The following ZNF804B variants were observed in gnomAD, a reference collection of about 807,000 sequenced individuals.
ZNF804B encodes the protein zinc finger protein 804B, also known as zinc finger 804B.
A neutral mutation model predicts 101.4 loss-of-function variants in ZNF804B; 80 were observed. The observed-to-expected ratio is 0.79, with a 90% CI of 0.66 to 0.95. The LOEUF is 0.95. Among genes scored for constraint, ZNF804B ranks in the 40% least tolerant of loss-of-function variants. The probability of loss-of-function intolerance (pLI) is 0.00; values close to 1 mark genes in which losing one functional copy is unlikely to be tolerated. For synonymous variants in ZNF804B, 622 were observed against 558.8 expected, an observed-to-expected ratio of 1.11 and a Z score of -1.59; for missense variants, 1,673 against 1,561.9, an observed-to-expected ratio of 1.07 and a Z score of -1.20.
At chr7:88,997,786 C>T (rs895409678) in intron 1 of ZNF804B, among the ~76,000 whole-genome samples, 9 of 152,234 alleles carry the variant, frequency 5.9e-5, no homozygotes, top group Middle Eastern at 3.4e-3. Flanking sequence ...AGGCACCTTC[C>T]TCTCCTATCG....
chr7:88,890,725 T>C (rs752212620), intron 1 of ZNF804B, among the ~76,000 whole-genome samples: 23 of 152,174 alleles, frequency 1.5e-4, no homozygotes, highest in Non-Finnish European at 2.8e-4. Context: ...TGGATACATA[T>C]AACTGCATGT....
chr7:88,969,152 A>T (rs1053143305), intron 1 of ZNF804B, among the ~76,000 whole-genome samples: 1 of 151,586 alleles, frequency 6.6e-6, no homozygotes. Context: ...TACTAATTAC[A>T]TTTAGTATAT....
intron 2 of ZNF804B, among the ~76,000 whole-genome samples, chr7:89,231,954 T>C (rs1045469511): frequency 6.6e-6 from 1 of 152,106 alleles, no homozygotes; most frequent in Non-Finnish European, 1.5e-5. Context: ...AATTCCAATG[T>C]GGTGTTGAAT....
At chr7:88,921,261 A>G (rs1284058298) in intron 1 of ZNF804B, among the ~76,000 whole-genome samples, 1 of 152,022 alleles carries the variant, frequency 6.6e-6, no homozygotes, top group Non-Finnish European at 1.5e-5. Flanking sequence ...AAGACAAAAA[A>G]CTGGATGGTG....
At chr7:88,906,497 A>G (rs1417890892) in intron 1 of ZNF804B, among the ~76,000 whole-genome samples, 1 of 152,150 alleles carries the variant, frequency 6.6e-6, no homozygotes, top group East Asian at 1.9e-4. Context: ...ATGTTCACCC[A>G]GGAGTTATTC....
At chr7:89,169,683 C>A (rs1336100626) in intron 1 of ZNF804B, among the ~76,000 whole-genome samples, 1 of 152,118 alleles carries the variant, frequency 6.6e-6, no homozygotes, top group Non-Finnish European at 1.5e-5. Context: ...AAGCACTGAA[C>A]CTAGTTTTCA....
intron 1 of ZNF804B, among the ~76,000 whole-genome samples, chr7:88,893,775 T>C (rs561483933): frequency 6.6e-6 from 1 of 152,280 alleles, no homozygotes; most frequent in South Asian, 2.1e-4. Flanking sequence ...TCCAATAACT[T>C]TATAAAACAG....
chr7:88,841,513 G>A (rs1791291753), intron 1 of ZNF804B, among the ~76,000 whole-genome samples: 1 of 152,146 alleles, frequency 6.6e-6, no homozygotes, highest in South Asian at 2.1e-4. Flanking sequence ...ACTCCACTGG[G>A]AGAAGACAAT....
chr7:89,259,354 T>C (rs933752923), intron 2 of ZNF804B, among the ~76,000 whole-genome samples: 1 of 152,248 alleles, frequency 6.6e-6, no homozygotes, highest in African/African-American at 2.4e-5. Context: ...CCACAATCTC[T>C]TTTATGATTT....
intron 1 of ZNF804B, among the ~76,000 whole-genome samples, chr7:89,135,596 G>A (rs751893366): frequency 6.6e-6 from 1 of 150,716 alleles, no homozygotes; most frequent in Admixed American, 6.7e-5. Context: ...GCCATTAGAT[G>A]TGTACATACT....
intron 1 of ZNF804B, among the ~76,000 whole-genome samples, chr7:89,011,823 T>A (rs1028235987): frequency 6.6e-6 from 1 of 152,110 alleles, no homozygotes; most frequent in Non-Finnish European, 1.5e-5. Context: ...AGGTGCACAG[T>A]GCAAGCTGTT....
At chr7:88,805,332 A>C (rs1790667759) in intron 1 of ZNF804B, among the ~76,000 whole-genome samples, 1 of 152,210 alleles carries the variant, frequency 6.6e-6, no homozygotes, top group Non-Finnish European at 1.5e-5. Context: ...ATTCCATGTA[A>C]CTAGAGTAGC....
In ZNF804B at chr7:89,336,689, A is replaced by G; in HGVS notation, c.3707A>G (p.His1236Arg). Reference sequence around the variant, plus strand: ...AGTCACCTCCCTATTGCTCATCTACATCCTCTTTCACAGGCACATTTCAGT... The same window carrying G: ...AGTCACCTCCCTATTGCTCATCTACGTCCTCTTTCACAGGCACATTTCAGT... ...HSSHLPIAHL[H>R]PLSQAHFSPI... The change falls in exon 4 of 4, where the codon CAT (histidine) becomes CGT (arginine). Residue 1236 changes from histidine (H) to arginine (R), a missense_variant. Transcript: ENST00000333190. 6.2e-7 allele frequency: 1 copy of G among 1,613,956 alleles called. No individual in the cohort carries two copies. Among genetic ancestry groups the G allele is most frequent in the Non-Finnish European group, 8.5e-7 (1 of 1,179,996 alleles).
intron 1 of ZNF804B, among the ~76,000 whole-genome samples, chr7:88,964,643 G>A (rs1248340125): frequency 6.6e-6 from 1 of 151,482 alleles, no homozygotes; most frequent in Non-Finnish European, 1.5e-5. Context: ...CAGTGCCACT[G>A]AATTGTAAAC....
At chr7:89,206,419 A>T (rs1788715273) in intron 1 of ZNF804B, among the ~76,000 whole-genome samples, 2 of 152,216 alleles carry the variant, frequency 1.3e-5, no homozygotes, top group Non-Finnish European at 2.9e-5. Context: ...CCTTGTAAAC[A>T]TAAGCTCCAT....
At chr7:88,939,392 G>C (rs945082206) in intron 1 of ZNF804B, among the ~76,000 whole-genome samples, 2 of 151,654 alleles carry the variant, frequency 1.3e-5, no homozygotes, top group Non-Finnish European at 2.9e-5. Flanking sequence ...ATCTGTGTTT[G>C]GTTGAATCCA....
chr7:89,335,450 C>T lies in ZNF804B; in HGVS notation c.2468C>T (p.Thr823Met), dbSNP rs564078763. Reference protein sequence around the residue: ...NQQQFSGLKSTRIIYCDSNSQ... With the variant: ...NQQQFSGLKSMRIIYCDSNSQ... Reference sequence around the variant, plus strand: ...CAACAATTTTCAGGGCTAAAATCTACGAGAATCATCTATTGTGATTCTAAC... The same window carrying T: ...CAACAATTTTCAGGGCTAAAATCTATGAGAATCATCTATTGTGATTCTAAC... Residue 823 changes from threonine (T) to methionine (M), a missense_variant, in exon 4 of 4, where the codon ACG (threonine) becomes ATG (methionine). Thr to Met is a moderately conservative substitution (Grantham distance 81). Coordinates refer to ENST00000333190, the MANE Select transcript of ZNF804B (RefSeq NM_181646.5). The T allele has an allele frequency of 5.3e-5, 85 of 1,613,904 alleles. No homozygotes were observed. Among genetic ancestry groups the T allele is most frequent in the Non-Finnish European group, 5.9e-5 (70 of 1,179,958 alleles).
At chr7:88,999,962 A>C (rs2116169626) in intron 1 of ZNF804B, among the ~76,000 whole-genome samples, 1 of 152,102 alleles carries the variant, frequency 6.6e-6, no homozygotes, top group Non-Finnish European at 1.5e-5. Context: ...TCAATGCATA[A>C]GTGAGAGATC....
chr7:88,837,648 A>C (rs931451228), intron 1 of ZNF804B, among the ~76,000 whole-genome samples: 1 of 151,912 alleles, frequency 6.6e-6, no homozygotes, highest in Non-Finnish European at 1.5e-5. Flanking sequence ...TAAGTCACCA[A>C]TTGTCAAGTT....
Sources: gnomAD v4.1 joint callset for allele counts (sites outside exome capture counted in the v4.1 genomes callset) on GRCh38, gnomAD v4.1.1 for gene constraint, MANE v1.5 for transcripts, NCBI Gene and HGNC (gene_info 2026-07-23, HGNC 2026-07-21) for gene names.